PTPRG: variants seen among roughly 807,000 people sequenced by gnomAD.
The protein encoded by PTPRG is protein tyrosine phosphatase receptor type G.
A neutral mutation model predicts 165.3 loss-of-function variants in PTPRG; 102 were observed. The observed-to-expected ratio is 0.62, with a 90% confidence interval of 0.53 to 0.73. The LOEUF (loss-of-function observed/expected upper bound fraction) is 0.73. Ranked by LOEUF, PTPRG falls within the 30% of genes least tolerant of loss-of-function variation. PTPRG has a pLI of 0.00. For missense variants in PTPRG, 1,866 were observed against 1,861.4 expected (o/e 1.00, Z -0.05); for synonymous variants, 675 against 669.5 (o/e 1.01, Z -0.13).
chr3:61,607,438 C>G (rs978910529), intron 1 of PTPRG, among the ~76,000 whole-genome samples: 1 of 147,838 alleles, frequency 6.8e-6, no homozygotes, highest in Non-Finnish European at 1.5e-5. Flanking sequence ...AAAACACTTA[C>G]CAGATGCATC....
At position 62,193,654 on chromosome 3, in the gene PTPRG, G is replaced by C. The variant is rs566757511; in HGVS notation, c.1219-1408G>C. Among the ~76,000 whole-genome samples, 6 of 152,278 alleles carry C rather than the reference G, an allele frequency of 3.9e-5. No homozygotes were observed. The South Asian group carries it at 1.0e-3, about 26-fold the overall frequency. ...GTGTTATTGCCCGCCTTTTCCAAAC[G>C]AGATCAGTGAGGCTTAAAGTTAAAT... On this transcript the variant is annotated intron_variant, in intron 9 of 29. Coordinates refer to ENST00000474889, the MANE Select transcript of PTPRG (RefSeq NM_002841.4).
rs1223230230 is a variant in PTPRG, at chr3:61,655,137, T to C, written c.85+92765T>C. Among the ~76,000 whole-genome samples, 47 of 152,116 alleles carry C rather than the reference T, an allele frequency of 3.1e-4. 1 individual carries two copies. Among genetic ancestry groups the C allele is most frequent in the Non-Finnish European group, 1.5e-5 (1 of 68,006 alleles). Reference sequence around the variant, plus strand: ...GTGTGCGGCAGGAGTCCTGGTTGCCTGGTGAGTCATCCTGCAGGTGGAATG... The same window carrying C: ...GTGTGCGGCAGGAGTCCTGGTTGCCCGGTGAGTCATCCTGCAGGTGGAATG... On this transcript the variant is annotated intron_variant, in intron 1 of 29. Coordinates refer to ENST00000474889, the MANE Select transcript of PTPRG (RefSeq NM_002841.4).
At chr3:62,234,868 G>T (rs1192775884) in intron 14 of PTPRG, among the ~76,000 whole-genome samples, 2 of 150,332 alleles carry the variant, frequency 1.3e-5, no homozygotes, top group East Asian at 2.0e-4. Context: ...CACTTTTATG[G>T]TTTCAAATTT....
At chr3:62,078,652 C>G (rs1701472111) in intron 5 of PTPRG, among the ~76,000 whole-genome samples, 1 of 152,110 alleles carries the variant, frequency 6.6e-6, no homozygotes. Flanking sequence ...GCATCCGTCA[C>G]TTTTCTAAAG....
At chr3:61,930,663 G>A (rs541595147) in intron 2 of PTPRG, among the ~76,000 whole-genome samples, 56 of 152,298 alleles carry the variant, frequency 3.7e-4, no homozygotes, top group East Asian at 2.3e-3. Context: ...GGAGTCAAGC[G>A]TCATTGTGGC....
intron 2 of PTPRG, 75 bp from the exon 3 acceptor site, chr3:61,989,550 C>T: frequency 5.6e-6 from 8 of 1,430,516 alleles, no homozygotes; most frequent in Non-Finnish European, 7.6e-6. Flanking sequence ...ATGCAGTGCT[C>T]AGCTTCCTAA....
Position 62,250,082 on chromosome 3 carries a change from T to C in PTPRG, c.2468-5042T>C, listed in dbSNP as rs189246695. ...ACTAAATGCCAGGCACTCTTATAAG[T>C]ACTTGTGTTATCTTGTTTACTTTTC... On this transcript the variant is annotated intron_variant, in intron 15 of 29. Coordinates refer to ENST00000474889, the MANE Select transcript of PTPRG (RefSeq NM_002841.4). 1.8e-3 allele frequency among the ~76,000 whole-genome samples: 272 copies of C among 152,362 alleles called. 1 individual carries two copies. The highest frequency in any genetic ancestry group is 6.2e-3 in the African/African-American group (258 of 41,580).
intron 4 of PTPRG, among the ~76,000 whole-genome samples, chr3:62,056,288 G>C (rs1228186324): frequency 6.6e-6 from 1 of 152,186 alleles, no homozygotes; most frequent in African/African-American, 2.4e-5. Flanking sequence ...TGTACAAAGG[G>C]TATAGGAGTG....
At chr3:62,178,453 C>T (rs1279434783) in intron 8 of PTPRG, among the ~76,000 whole-genome samples, 1 of 152,196 alleles carries the variant, frequency 6.6e-6, no homozygotes, top group Non-Finnish European at 1.5e-5. Context: ...CATGCCAGTA[C>T]TACTTCCTGA....
chr3:61,846,174 T>G (rs1412741915), intron 2 of PTPRG, among the ~76,000 whole-genome samples: 1 of 152,216 alleles, frequency 6.6e-6, no homozygotes, highest in Non-Finnish European at 1.5e-5. Context: ...GCTCGAAATA[T>G]TTGATTTGCT....
At chr3:61,744,523 C>T (rs771059235) in intron 1 of PTPRG, among the ~76,000 whole-genome samples, 2 of 152,078 alleles carry the variant, frequency 1.3e-5, no homozygotes, top group Non-Finnish European at 2.9e-5. Context: ...TAAACATATC[C>T]GAACACATAA....
chr3:62,216,198 T>TGA (rs1396804353), intron 12 of PTPRG, among the ~76,000 whole-genome samples: 2 of 144,312 alleles, frequency 1.4e-5, no homozygotes. Context: ...GGTGACAGAG[T>TGA]GAGACCCTGT....
intron 5 of PTPRG, among the ~76,000 whole-genome samples, chr3:62,082,776 A>G (rs1162256592): frequency 2.0e-5 from 3 of 152,158 alleles, no homozygotes; most frequent in Non-Finnish European, 4.4e-5. Flanking sequence ...AGGAAGAACA[A>G]CCTCCATGTG....
At chr3:61,823,713 T>C (rs547432720) in intron 2 of PTPRG, among the ~76,000 whole-genome samples, 23 of 152,246 alleles carry the variant, frequency 1.5e-4, no homozygotes, top group South Asian at 4.1e-4. Context: ...CTTCATGGAG[T>C]TTAAGTTCAC....
At chr3:61,983,263 T>C (rs2040681163) in intron 2 of PTPRG, among the ~76,000 whole-genome samples, 1 of 152,178 alleles carries the variant, frequency 6.6e-6, no homozygotes, top group Non-Finnish European at 1.5e-5. Context: ...ATAAAGATTT[T>C]AATTAAAACA....
chr3:61,656,670 A>G (rs1026695440), intron 1 of PTPRG, among the ~76,000 whole-genome samples: 5 of 152,152 alleles, frequency 3.3e-5, no homozygotes, highest in Non-Finnish European at 7.3e-5. Flanking sequence ...GGGATTCTGG[A>G]ATGTCAATTT....
intron 1 of PTPRG, among the ~76,000 whole-genome samples, chr3:61,578,968 C>G (rs768246625): frequency 2.6e-4 from 39 of 152,154 alleles, no homozygotes; most frequent in Non-Finnish European, 7.4e-5. Context: ...ATGTTAAAGT[C>G]TTGCAGTTAG....
At chr3:61,905,268 CTG>C (rs962414083) in intron 2 of PTPRG, among the ~76,000 whole-genome samples, 29 of 152,306 alleles carry the variant, frequency 1.9e-4, no homozygotes, top group African/African-American at 6.5e-4. Flanking sequence ...GGGAGCTTGA[CTG>C]TGATTCCAAG....
intron 5 of PTPRG, among the ~76,000 whole-genome samples, chr3:62,081,296 A>AC (rs1317985003): frequency 9.9e-5 from 15 of 151,738 alleles, no homozygotes; most frequent in African/African-American, 2.9e-4. Context: ...AAACAAACAA[A>AC]AACATAATTT....
Sources: allele counts gnomAD v4.1 joint callset (sites outside exome capture counted in the v4.1 genomes callset), GRCh38; gene constraint gnomAD v4.1.1; transcripts MANE v1.5; gene names NCBI Gene and HGNC (gene_info 2026-07-23, HGNC 2026-07-21).